The following TRABD2B variants were observed in gnomAD, a reference collection of about 807,000 sequenced individuals.
TRABD2B encodes the protein metalloprotease TIKI2.
A neutral mutation model predicts 40.1 loss-of-function variants in TRABD2B; 14 were observed. That is an observed-to-expected ratio of 0.35 (90% CI 0.23 to 0.55). The LOEUF is 0.55. Among genes scored for constraint, TRABD2B ranks in the 20% least tolerant of loss-of-function variants. The probability of loss-of-function intolerance (pLI) is 0.90; values close to 1 mark genes in which losing one functional copy is unlikely to be tolerated. For synonymous variants in TRABD2B, 263 were observed against 277.0 expected, an observed-to-expected ratio of 0.95 and a Z score of 0.50; for missense variants, 541 against 648.6, an observed-to-expected ratio of 0.83 and a Z score of 1.80.
chr1:47,989,221 T>TTC (rs1645965017), intron 2 of TRABD2B, among the ~76,000 whole-genome samples: 1 of 152,246 alleles, frequency 6.6e-6, no homozygotes. Context: ...GGTATTTTGC[T>TTC]GTAGCAGCCT....
At chr1:47,929,629 C>T (rs981485596) in intron 2 of TRABD2B, among the ~76,000 whole-genome samples, 4 of 152,166 alleles carry the variant, frequency 2.6e-5, no homozygotes, top group Non-Finnish European at 4.4e-5. Context: ...ACAAAACTGC[C>T]CTCATCTGGC....
chr1:47,864,851 G>A (rs1006951671), intron 2 of TRABD2B, among the ~76,000 whole-genome samples: 1 of 152,122 alleles, frequency 6.6e-6, no homozygotes, highest in Non-Finnish European at 1.5e-5. Context: ...TTGGGTGGAC[G>A]ATCAGGGCTC....
Position 47,801,577 on chromosome 1 carries a change from C to T in TRABD2B, c.709G>A (p.Val237Met), listed in dbSNP as rs561596852. Residue 237 changes from valine (V) to methionine (M), a missense_variant, in exon 3 of 7, where the codon GTG becomes ATG. Val to Met is a conservative substitution (Grantham distance 21). This residue lies in a region of TRABD2B where 369 missense variants were observed against 492.8 expected (regional missense o/e 0.75). Coordinates refer to ENST00000606738, the MANE Select transcript of TRABD2B (RefSeq NM_001194986.2). ...GAGGCCTGCAGGCTCCCGGCCCGCA[C>T]ACTCTCCTGCTGCAGCAGGGTTTGG... ...LNQTLLQQES[V>M]RAGSLQASYT... The T allele has an allele frequency of 2.0e-6, 3 of 1,535,994 alleles. No homozygotes were observed. In the South Asian group the frequency reaches 3.6e-5, roughly 18 times the overall value.
At chr1:47,791,336 C>T (rs1056299058) in intron 4 of TRABD2B, among the ~76,000 whole-genome samples, 4 of 152,206 alleles carry the variant, frequency 2.6e-5, no homozygotes, top group Non-Finnish European at 5.9e-5. Context: ...GGCTCAGACA[C>T]CTGGCAAGGC....
At chr1:47,834,380 G>A (rs574188135) in intron 2 of TRABD2B, among the ~76,000 whole-genome samples, 1 of 152,320 alleles carries the variant, frequency 6.6e-6, no homozygotes, top group East Asian at 1.9e-4. Context: ...ACATATTCCT[G>A]AGAATCTAGA....
At chr1:47,792,341 A>G (rs1359673408) in intron 4 of TRABD2B, among the ~76,000 whole-genome samples, 1 of 152,252 alleles carries the variant, frequency 6.6e-6, no homozygotes, top group Non-Finnish European at 1.5e-5. Context: ...CACAGCGATG[A>G]TTAAGTGGTG....
chr1:47,849,053 G>A (rs759199173), intron 2 of TRABD2B, among the ~76,000 whole-genome samples: 2 of 152,160 alleles, frequency 1.3e-5, no homozygotes, highest in Non-Finnish European at 2.9e-5. Flanking sequence ...TCAGTCTCTG[G>A]TACAGCTGAG....
chr1:47,962,977 C>T (rs1645544365), intron 2 of TRABD2B, among the ~76,000 whole-genome samples: 1 of 152,232 alleles, frequency 6.6e-6, no homozygotes, highest in Admixed American at 6.5e-5. Context: ...CAATTAGCCT[C>T]CCTGGTTTAC....
intron 2 of TRABD2B, among the ~76,000 whole-genome samples, chr1:47,857,511 C>T (rs1005333419): frequency 6.6e-6 from 1 of 152,156 alleles, no homozygotes; most frequent in Non-Finnish European, 1.5e-5. Context: ...GGGGTTAAGG[C>T]CCCCTTCTCA....
At chr1:47,900,248 G>A (rs751314216) in intron 2 of TRABD2B, among the ~76,000 whole-genome samples, 3 of 152,052 alleles carry the variant, frequency 2.0e-5, no homozygotes, top group Admixed American at 6.5e-5. Context: ...GCAGGACCTG[G>A]CCAGCCCACA....
At chr1:47,831,294 G>T (rs761702714) in intron 2 of TRABD2B, among the ~76,000 whole-genome samples, 1 of 152,122 alleles carries the variant, frequency 6.6e-6, no homozygotes, top group Admixed American at 6.5e-5. Flanking sequence ...CTGAGGCCTC[G>T]GGAAAAATGC....
chr1:47,837,725 C>T (rs1183366239), intron 2 of TRABD2B, among the ~76,000 whole-genome samples: 1 of 152,140 alleles, frequency 6.6e-6, no homozygotes, highest in East Asian at 1.9e-4. Flanking sequence ...TTCCCGAGGG[C>T]AATTATTGCA....
At chr1:47,852,267 C>T (rs967567707) in intron 2 of TRABD2B, among the ~76,000 whole-genome samples, 3 of 152,140 alleles carry the variant, frequency 2.0e-5, no homozygotes, top group African/African-American at 7.2e-5. Flanking sequence ...CTTGGTAAGG[C>T]GTGCGGAGCT....
At chr1:47,775,856 A>G (rs1027440060) in intron 5 of TRABD2B, among the ~76,000 whole-genome samples, 2 of 152,150 alleles carry the variant, frequency 1.3e-5, no homozygotes, top group African/African-American at 4.8e-5. Context: ...GGTGCTACTC[A>G]GGGAAGGTGG....
intron 6 of TRABD2B, among the ~76,000 whole-genome samples, chr1:47,768,730 T>G (rs1644339216): frequency 6.6e-6 from 1 of 152,232 alleles, no homozygotes; most frequent in African/African-American, 2.4e-5. Context: ...CTAGAAGAGG[T>G]TGGCTATTTT....
intron 2 of TRABD2B, among the ~76,000 whole-genome samples, chr1:47,929,597 A>G (rs762115134): frequency 2.0e-5 from 3 of 152,220 alleles, no homozygotes; most frequent in Non-Finnish European, 4.4e-5. Context: ...CCTAGCACCT[A>G]CCAATCTCTG....
intron 2 of TRABD2B, among the ~76,000 whole-genome samples, chr1:47,805,894 CAT>C (rs1644884762): frequency 6.6e-6 from 1 of 152,094 alleles, no homozygotes; most frequent in Non-Finnish European, 1.5e-5. Flanking sequence ...ATGGATCAGG[CAT>C]TTGGGCCAGG....
intron 2 of TRABD2B, among the ~76,000 whole-genome samples, chr1:47,978,050 T>C (rs1645784247): frequency 6.6e-6 from 1 of 151,970 alleles, no homozygotes; most frequent in African/African-American, 2.4e-5. Flanking sequence ...TTTGTGTCCC[T>C]CCCCAACCCC....
chr1:47,816,324 C>T (rs10890502), intron 2 of TRABD2B, among the ~76,000 whole-genome samples: 95,070 of 151,962 alleles, frequency 0.63, 29,949 homozygotes, highest in South Asian at 0.77. Context: ...CTCCCAGGCT[C>T]AAATTCCCCA....
Sources: gnomAD v4.1 joint callset for allele counts (sites outside exome capture counted in the v4.1 genomes callset) on GRCh38, gnomAD v4.1.1 for gene constraint, gnomAD v4.1.1 regional missense constraint, MANE v1.5 for transcripts, NCBI Gene and HGNC (gene_info 2026-07-23, HGNC 2026-07-21) for gene names.